EMSY: variants seen among roughly 807,000 people sequenced by gnomAD.
EMSY encodes BRCA2-interacting transcriptional repressor EMSY.
Under a neutral mutation model 134.6 loss-of-function variants are expected in EMSY, and 26 were observed. The observed-to-expected ratio is 0.19, with a 90% confidence interval of 0.14 to 0.27. EMSY has a LOEUF of 0.27. EMSY is among the 10% of genes least tolerant of loss of function. EMSY has a pLI of 1.00. For missense variants in EMSY, 1,305 were observed against 1,611.4 expected (o/e 0.81, Z 3.26); for synonymous variants, 579 against 577.8 (o/e 1.00, Z -0.03).
chr11:76,526,578 A>T (rs753536530), exon 13 of EMSY: 1 of 1,613,818 alleles, frequency 6.2e-7, no homozygotes, highest in Admixed American at 1.7e-5. Context: ...CTACAGTTCA[A>T]CCAGCAGCTA....
At chr11:76,490,763 T>C (rs986429750) in intron 8 of EMSY, among the ~76,000 whole-genome samples, 11 of 152,182 alleles carry the variant, frequency 7.2e-5, no homozygotes, top group Admixed American at 3.9e-4. Flanking sequence ...AGCCTTGGAA[T>C]CAGTCATTTT....
At chr11:76,479,369 T>A (rs1291028361) in intron 8 of EMSY, among the ~76,000 whole-genome samples, 3 of 152,222 alleles carry the variant, frequency 2.0e-5, no homozygotes, top group Non-Finnish European at 4.4e-5. Flanking sequence ...TCTGTAGCAG[T>A]GATATATCTT....
In EMSY at chr11:76,496,417, G is replaced by A. The variant is rs766280069; in HGVS notation, c.1311G>A (p.Gln437=). 9.9e-6 allele frequency: 16 copies of A among 1,614,028 alleles called. No homozygotes were observed. In the Admixed American group the frequency reaches 2.7e-4, roughly 27 times the overall value. ...TATCTCATCAGCAACAGCCTCAGCA[G>A]TCTCCTTTGCCACCTGGTATTAAAC... is the stretch of plus-strand genomic sequence containing the variant. The change falls in exon 9 of 21, where the codon CAG becomes CAA. Residue 437 remains glutamine (Q), a synonymous_variant. Coordinates refer to ENST00000334736, the Ensembl canonical transcript of EMSY.
intron 9 of EMSY, among the ~76,000 whole-genome samples, chr11:76,499,510 A>G (rs1488315204): frequency 6.6e-6 from 1 of 151,276 alleles, no homozygotes; most frequent in Non-Finnish European, 1.5e-5. Flanking sequence ...GATGGTCTCA[A>G]TCTCCTGACC....
intron 8 of EMSY, among the ~76,000 whole-genome samples, chr11:76,484,367 A>G (rs1949097778): frequency 6.6e-6 from 1 of 152,236 alleles, no homozygotes; most frequent in Non-Finnish European, 1.5e-5. Flanking sequence ...AAACACATTC[A>G]AAAGCTAGCA....
chr11:76,538,340 G>A (rs992701552), intron 16 of EMSY, among the ~76,000 whole-genome samples: 20 of 152,102 alleles, frequency 1.3e-4, no homozygotes, highest in African/African-American at 4.6e-4. Flanking sequence ...ATTCACTGCA[G>A]CCTCAACTTC....
At chr11:76,544,927 A>G in intron 19 of EMSY, 105 bp downstream of exon 20, 1 of 1,282,888 alleles carries the variant, frequency 7.8e-7, no homozygotes, top group Non-Finnish European at 1.1e-6. Context: ...TCCTGGCAAG[A>G]GGAAACCCAA....
chr11:76,535,831 T>G, intron 14 of EMSY, 64 bp from the exon 16 acceptor site: 4 of 489,926 alleles, frequency 8.2e-6, no homozygotes, highest in Non-Finnish European at 1.1e-5. Flanking sequence ...AAATTGTTTG[T>G]TTTTTTTTTT....
In EMSY at chr11:76,481,877, A is replaced by G. The variant is rs1948995349; in HGVS notation, c.1108+9037A>G. On this transcript the variant is annotated intron_variant, in intron 8 of 20. Coordinates refer to ENST00000334736, the Ensembl canonical transcript of EMSY. Reference sequence around the variant, plus strand: ...CTCTGAAGAGAGCAGCAGATCTCCCAGCACAACATTTGAGCTCTGCTAAGG... The same window carrying G: ...CTCTGAAGAGAGCAGCAGATCTCCCGGCACAACATTTGAGCTCTGCTAAGG... 2.0e-5 allele frequency among the ~76,000 whole-genome samples: 3 copies of G among 152,202 alleles called. No individual in the cohort carries two copies. The South Asian group carries it at 6.2e-4, about 31-fold the overall frequency.
At chr11:76,550,489 A>G (rs2513513) in exon 21 of EMSY, 99,915 of 178,790 alleles carry the variant, frequency 0.56, 29,034 homozygotes, top group East Asian at 0.73. Context: ...ACTGGTTTCT[A>G]CTGAGCAAAA....
chr11:76,470,201 GA>G (rs940240877), intron 7 of EMSY, among the ~76,000 whole-genome samples: 1 of 152,044 alleles, frequency 6.6e-6, no homozygotes, highest in African/African-American at 2.4e-5. Flanking sequence ...ATATAAAAAT[GA>G]AAAAGAATTT....
At chr11:76,536,312 A>G (rs1951223320) in intron 15 of EMSY, among the ~76,000 whole-genome samples, 1 of 152,186 alleles carries the variant, frequency 6.6e-6, no homozygotes, top group Admixed American at 6.5e-5. Flanking sequence ...AAAAATTGAC[A>G]GCTCTGTCTT....
intron 9 of EMSY, among the ~76,000 whole-genome samples, chr11:76,512,593 A>G (rs1267454604): frequency 6.6e-6 from 1 of 152,082 alleles, no homozygotes; most frequent in Non-Finnish European, 1.5e-5. Context: ...ATGTTTATAT[A>G]AAATTAAATG....
At chr11:76,445,430 G>C (rs1335691492) in intron 1 of EMSY, among the ~76,000 whole-genome samples, 1 of 152,192 alleles carries the variant, frequency 6.6e-6, no homozygotes, top group Non-Finnish European at 1.5e-5. Context: ...GCGGGTGCCG[G>C]CCGGGACCCC....
intron 17 of EMSY, among the ~76,000 whole-genome samples, chr11:76,541,142 C>G (rs1298822520): frequency 2.6e-5 from 4 of 152,220 alleles, no homozygotes; most frequent in Admixed American, 2.6e-4. Flanking sequence ...ATGAGAGTAA[C>G]TTGAACCTGG....
chr11:76,472,469 A>T, intron 7 of EMSY, 95 bp from the exon 9 acceptor site: 2 of 1,207,424 alleles, frequency 1.7e-6, no homozygotes, highest in East Asian at 2.6e-5. Context: ...TTCGTTTTTC[A>T]TAAGCTATTT....
intron 12 of EMSY, among the ~76,000 whole-genome samples, chr11:76,525,080 A>G (rs915004801): frequency 1.3e-5 from 2 of 152,200 alleles, no homozygotes; most frequent in African/African-American, 4.8e-5. Flanking sequence ...TCACCTATGC[A>G]TGCCCACAAC....
At chr11:76,453,124 G>C (rs1947733886) in intron 3 of EMSY, among the ~76,000 whole-genome samples, 190 bp from the exon 4 acceptor site, 1 of 152,134 alleles carries the variant, frequency 6.6e-6, no homozygotes. Flanking sequence ...CAGTTACACA[G>C]AATTAGTATG....
intron 8 of EMSY, among the ~76,000 whole-genome samples, chr11:76,482,465 A>G (rs1336884196): frequency 1.3e-5 from 2 of 152,220 alleles, no homozygotes; most frequent in African/African-American, 4.8e-5. Flanking sequence ...AGCTAAGGGA[A>G]CATGTTCTAA....
Sources: allele counts gnomAD v4.1 joint callset (sites outside exome capture counted in the v4.1 genomes callset), GRCh38; gene constraint gnomAD v4.1.1; transcripts MANE v1.5; gene names NCBI Gene and HGNC (gene_info 2026-07-23, HGNC 2026-07-21).